CXorf58: variants seen among roughly 807,000 people sequenced by gnomAD.
CXorf58 encodes the protein chromosome X open reading frame 58.
CXorf58 carries 24 observed loss-of-function variants against 26.0 expected under a neutral mutation model. The observed-to-expected ratio is 0.92, with a 90% confidence interval of 0.67 to 1.30. The LOEUF (loss-of-function observed/expected upper bound fraction) is 1.30, where lower values mean the gene tolerates loss of function less well. Ranked by LOEUF, CXorf58 falls within the 50% of genes most tolerant of loss-of-function variation. The pLI is 0.00. For missense variants in CXorf58, 236 were observed against 263.9 expected (o/e 0.89, Z 0.73); for synonymous variants, 87 against 86.1 (o/e 1.01, Z -0.06).
chrX:23,910,057 C>T (rs1446614709), intron 1 of CXorf58, among the ~76,000 whole-genome samples: 1 of 111,720 alleles, frequency 9.0e-6, no homozygotes, highest in Non-Finnish European at 1.9e-5. Context: ...AGACTGGAGA[C>T]AGACCAGTTA....
intron 3 of CXorf58, 56 bp from the exon 4 acceptor site, chrX:23,915,644 A>G: frequency 4.2e-6 from 3 of 713,482 alleles, no homozygotes; most frequent in Non-Finnish European, 6.6e-6. Flanking sequence ...TATAGTCCAT[A>G]AATTGTGTCT....
chrX:23,910,339 C>A lies in CXorf58; in HGVS notation c.37C>A (p.Leu13Met). Residue 13 changes from leucine (L) to methionine (M), a missense_variant, in exon 2 of 9, where the codon CTG (leucine) becomes ATG (methionine). Physicochemically the swap from Leu to Met is conservative, Grantham distance 15. Coordinates refer to ENST00000379211, the MANE Select transcript of CXorf58 (RefSeq NM_152761.3). ...RSSNVPRKGILKSGTRSLQKV... is the reference protein window; with the variant it reads ...RSSNVPRKGIMKSGTRSLQKV... ...CTCAAATGTACCACGTAAAGGTATT[C>A]TGAAATCAGGTACAAGATCCTTACA... is the stretch of plus-strand genomic sequence containing the variant. The A allele has an allele frequency of 8.4e-7, 1 of 1,197,206 alleles. No individual in the cohort carries two copies. The highest frequency in any genetic ancestry group is 1.1e-6 in the Non-Finnish European group (1 of 885,114).
At position 23,911,857 on chromosome X, in the gene CXorf58, G is replaced by A; in HGVS notation, c.216+1G>A. 1 of 1,162,076 alleles carries A rather than the reference G, an allele frequency of 8.6e-7. No homozygotes were observed. Among genetic ancestry groups the A allele is most frequent in the Non-Finnish European group, 1.2e-6 (1 of 856,761 alleles). ...CCTAAAACACGCAATTTGTGCAGCG[G>A]TATGTATTTTGCTTATTTTTTTCTC... On this transcript the variant is annotated splice_donor_variant, in intron 3 of 8. Transcript: ENST00000379211. LOFTEE classifies it high-confidence loss of function.
At chrX:23,933,846 C>T (rs755957452) in intron 6 of CXorf58, among the ~76,000 whole-genome samples, 27 of 109,034 alleles carry the variant, frequency 2.5e-4, no homozygotes, top group African/African-American at 9.1e-4. Flanking sequence ...TGTCACTGAA[C>T]TGCAGCCTGG....
chrX:23,930,905 T>C (rs1928152192), intron 6 of CXorf58, among the ~76,000 whole-genome samples: 1 of 111,635 alleles, frequency 9.0e-6, no homozygotes, highest in Admixed American at 9.5e-5. Context: ...TAACAAAGTA[T>C]TTTTAAATTA....
chrX:23,911,386 A>G (rs1253709087), intron 2 of CXorf58, among the ~76,000 whole-genome samples: 3 of 111,756 alleles, frequency 2.7e-5, no homozygotes, highest in Non-Finnish European at 5.6e-5. Flanking sequence ...TAGCACTTGA[A>G]CTAGTTGGAC....
At chrX:23,911,014 G>T (rs778574277) in intron 2 of CXorf58, among the ~76,000 whole-genome samples, 1 of 110,274 alleles carries the variant, frequency 9.1e-6, no homozygotes, top group Admixed American at 9.8e-5. Context: ...GATCCCACCC[G>T]CCTCGGCCTC....
intron 6 of CXorf58, 149 bp downstream of exon 6, chrX:23,927,519 AAT>A (rs1054149494): frequency 9.0e-6 from 2 of 222,420 alleles, no homozygotes; most frequent in African/African-American, 5.9e-5. Flanking sequence ...TTATTTTTCA[AAT>A]ATATTCTATA....
chrX:23,938,794 A>G, intron 8 of CXorf58, 94 bp downstream of exon 8: 1 of 606,283 alleles, frequency 1.6e-6, no homozygotes, highest in Non-Finnish European at 2.5e-6. Context: ...TTCCTAATCT[A>G]AAGTTCAAGG....
chrX:23,914,986 T>C (rs760196443), intron 3 of CXorf58, among the ~76,000 whole-genome samples: 1 of 109,417 alleles, frequency 9.1e-6, no homozygotes, highest in South Asian at 4.0e-4. Context: ...AATACAAAAT[T>C]AGCCGGGCGT....
At chrX:23,913,212 ACT>A (rs772403501) in intron 3 of CXorf58, among the ~76,000 whole-genome samples, 5 of 110,252 alleles carry the variant, frequency 4.5e-5, no homozygotes, top group Non-Finnish European at 9.5e-5. Flanking sequence ...ATGAAGTCTC[ACT>A]CTGTTGCCCA....
At chrX:23,931,216 G>T (rs1928160046) in intron 6 of CXorf58, among the ~76,000 whole-genome samples, 1 of 111,780 alleles carries the variant, frequency 8.9e-6, no homozygotes, top group Non-Finnish European at 1.9e-5. Context: ...AAGTGAACCA[G>T]GAAATGCCAA....
At chrX:23,917,016 A>C (rs1178092826) in intron 5 of CXorf58, among the ~76,000 whole-genome samples, 2 of 110,303 alleles carry the variant, frequency 1.8e-5, no homozygotes, top group Non-Finnish European at 3.8e-5. Flanking sequence ...ATTTAGAAAA[A>C]AAATGGTCTG....
At chrX:23,928,618 C>T (rs1416301005) in intron 6 of CXorf58, among the ~76,000 whole-genome samples, 1 of 111,660 alleles carries the variant, frequency 9.0e-6, no homozygotes, top group African/African-American at 3.3e-5. Flanking sequence ...TATTTCAAAT[C>T]TTTTCATTAT....
At chrX:23,914,645 G>A (rs1927672874) in intron 3 of CXorf58, among the ~76,000 whole-genome samples, 1 of 111,556 alleles carries the variant, frequency 9.0e-6, no homozygotes, top group South Asian at 3.8e-4. Context: ...CAGCACTTTG[G>A]GAGGCTGAGG....
intron 1 of CXorf58, 84 bp downstream of exon 1, chrX:23,908,413 A>T (rs1325346931): frequency 8.9e-6 from 1 of 112,515 alleles, no homozygotes; most frequent in Non-Finnish European, 1.9e-5. Context: ...TCTTATTAAC[A>T]AGAGTAAACA....
chrX:23,915,319 C>T (rs1927691815), intron 3 of CXorf58, among the ~76,000 whole-genome samples: 1 of 111,936 alleles, frequency 8.9e-6, no homozygotes, highest in African/African-American at 3.2e-5. Flanking sequence ...CTGCTGTGTT[C>T]CAGGCACTGT....
At chrX:23,914,339 G>A in intron 3 of CXorf58, among the ~76,000 whole-genome samples, 1 of 111,223 alleles carries the variant, frequency 9.0e-6, no homozygotes, top group Non-Finnish European at 1.9e-5. Context: ...TCCCGCTTTG[G>A]CCTCCCAAAG....
chrX:23,924,325 T>TATTG (rs1348434995), intron 5 of CXorf58, among the ~76,000 whole-genome samples: 5 of 107,763 alleles, frequency 4.6e-5, no homozygotes, highest in African/African-American at 1.7e-4. Context: ...TTTATTTATT[T>TATTG]ATTTATTTAT....
Sources: gnomAD v4.1 joint callset for allele counts (sites outside exome capture counted in the v4.1 genomes callset) on GRCh38, gnomAD v4.1.1 for gene constraint, MANE v1.5 for transcripts, NCBI Gene and HGNC (gene_info 2026-07-23, HGNC 2026-07-21) for gene names.